The following PIEZO2 variants were observed in gnomAD, a reference collection of about 807,000 sequenced individuals.
The protein encoded by PIEZO2 is piezo-type mechanosensitive ion channel component 2.
In PIEZO2, 172 loss-of-function variants were observed where a neutral mutation model predicts 337.3. That is an observed-to-expected ratio of 0.51 (90% CI 0.45 to 0.58). The LOEUF (loss-of-function observed/expected upper bound fraction) is 0.58. PIEZO2 is among the 20% of genes least tolerant of loss of function. The probability of loss-of-function intolerance (pLI) is 0.00; values close to 1 mark genes in which losing one functional copy is unlikely to be tolerated. For missense variants in PIEZO2, 3,028 were observed against 3,391.3 expected, an observed-to-expected ratio of 0.89 and a Z score of 2.66; for synonymous variants, 1,251 against 1,228.5, an observed-to-expected ratio of 1.02 and a Z score of -0.38.
Position 10,672,612 on chromosome 18 carries a change from TA to T in PIEZO2, c.8345+77del. The T allele has an allele frequency of 1.4e-6, 2 of 1,481,316 alleles. No individual in the cohort carries two copies. Among genetic ancestry groups the T allele is most frequent in the Non-Finnish European group, 1.8e-6 (2 of 1,089,012 alleles). 91.8% of individuals were successfully genotyped at this position (1,481,316 alleles called of 1,614,324 possible). A position where few individuals can be genotyped will look rare whatever the true frequency, so the allele number is the denominator to read the frequency against. ...CTAAAATTAGCGAATTCTAAGAAGA[TA>T]AAAGGCTTCCCACTCTCAACTTTAC... On this transcript the variant is annotated intron_variant, in intron 55 of 55. Coordinates refer to ENST00000674853, the MANE Select transcript of PIEZO2 (RefSeq NM_001378183.1). This position sits in a 1 kb window ranked among gnomAD's most constrained non-coding sequence, Gnocchi z 4.7.
chr18:11,117,148 G>T (rs2039915379), intron 1 of PIEZO2, among the ~76,000 whole-genome samples: 1 of 152,134 alleles, frequency 6.6e-6, no homozygotes, highest in Non-Finnish European at 1.5e-5. Flanking sequence ...TAAGAGAGAA[G>T]ATTTGAAATG....
At chr18:10,789,487 AT>A in intron 14 of PIEZO2, 122 bp from the exon 15 acceptor site, 1 of 1,161,024 alleles carries the variant, frequency 8.6e-7, no homozygotes, top group Non-Finnish European at 1.2e-6. Flanking sequence ...AATTTGGATG[AT>A]TTTAGACTAT....
At chr18:11,140,170 A>G (rs999574914) in intron 1 of PIEZO2, among the ~76,000 whole-genome samples, 2 of 152,150 alleles carry the variant, frequency 1.3e-5, no homozygotes, top group Non-Finnish European at 2.9e-5. Context: ...GCTCCCTTCA[A>G]AAATTTTTTT....
intron 2 of PIEZO2, among the ~76,000 whole-genome samples, chr18:11,004,867 C>T (rs1337316635): frequency 3.9e-5 from 6 of 152,212 alleles, no homozygotes; most frequent in Non-Finnish European, 7.3e-5. Context: ...CCTACTGTGA[C>T]CAGACTGTAA....
rs893003163 is a variant in PIEZO2 at position 10,862,739 on chromosome 18, T to C, written c.493-5528A>G. Among the ~76,000 whole-genome samples, 2 of 152,204 alleles carry C rather than the reference T, an allele frequency of 1.3e-5. No individual in the cohort carries two copies. Among genetic ancestry groups the C allele is most frequent in the Non-Finnish European group, 2.9e-5 (2 of 68,034 alleles). On this transcript the variant is annotated intron_variant, in intron 5 of 55. Coordinates refer to ENST00000674853, the MANE Select transcript of PIEZO2 (RefSeq NM_001378183.1). This position sits in a 1 kb window ranked among gnomAD's most constrained non-coding sequence, Gnocchi z 4.4. The stretch of plus-strand genomic sequence containing the variant: ...GAATGAATTCCAGGAAGCTGTATGA[T>C]TAAAGTACTCTCTGGGGTGACCTGA...
At chr18:10,887,064 A>G (rs561522231) in intron 4 of PIEZO2, among the ~76,000 whole-genome samples, 3 of 61,304 alleles carry the variant, frequency 4.9e-5, no homozygotes, top group African/African-American at 1.7e-4. Flanking sequence ...GAGGTGACAC[A>G]CTTTTTTTTT....
chr18:11,135,705 G>A lies in PIEZO2; in HGVS notation c.64+12820C>T, dbSNP rs114469872. Among the ~76,000 whole-genome samples, 590 of 152,210 alleles carry A rather than the reference G, an allele frequency of 3.9e-3. 3 individuals carry two copies. Among genetic ancestry groups the A allele is most frequent in the African/African-American group, 0.013 (542 of 41,508 alleles). The stretch of plus-strand genomic sequence containing the variant: ...TGGGACTACATGTGCGTGCCATCAC[G>A]CCCAGCTAATTTTTGTATTTTTAGT... On this transcript the variant is annotated intron_variant, in intron 1 of 55. Transcript: ENST00000674853.
Position 10,748,854 on chromosome 18 carries a change from C to CA in PIEZO2, c.4265-225dup, listed in dbSNP as rs1379948112. ...ACCATGCATTGAACTCTTCACACTA[C>CA]AAGGCTCAGGAGGGCCCTTTTTACG... On this transcript the variant is annotated intron_variant, in intron 29 of 55. Transcript: ENST00000674853. The surrounding 1 kb of genome is among the most constrained non-coding windows in gnomAD (Gnocchi z 5.1). Among the ~76,000 whole-genome samples the CA allele has an allele frequency of 2.6e-5, 4 of 152,252 alleles. No homozygotes were observed. The East Asian group carries it at 7.7e-4, about 29-fold the overall frequency.
chr18:11,018,091 A>G (rs1458550275), intron 2 of PIEZO2, among the ~76,000 whole-genome samples: 1 of 151,990 alleles, frequency 6.6e-6, no homozygotes, highest in Non-Finnish European at 1.5e-5. Context: ...GCTTTAGTGT[A>G]GAATTGTTCC....
intron 1 of PIEZO2, among the ~76,000 whole-genome samples, chr18:11,113,616 CAT>C (rs2039799885): frequency 6.6e-6 from 1 of 152,214 alleles, no homozygotes; most frequent in Non-Finnish European, 1.5e-5. Context: ...ATCATGGTCA[CAT>C]GATACCCTTA....
In PIEZO2 at chr18:11,047,823, T is replaced by G. The variant is rs979001359; in HGVS notation, c.160+18304A>C. On this transcript the variant is annotated intron_variant, in intron 2 of 55. Coordinates refer to ENST00000674853, the MANE Select transcript of PIEZO2 (RefSeq NM_001378183.1). The surrounding 1 kb of genome is among the most constrained non-coding windows in gnomAD (Gnocchi z 7.2). Reference sequence around the variant, plus strand: ...TATTAGACCCCAGGGAATGCGAATATAATGATGATGACATTGATGTTTGAG... The same window carrying G: ...TATTAGACCCCAGGGAATGCGAATAGAATGATGATGACATTGATGTTTGAG... Among the ~76,000 whole-genome samples the G allele has an allele frequency of 6.6e-5, 10 of 152,176 alleles. No individual in the cohort carries two copies. Among genetic ancestry groups the G allele is most frequent in the Admixed American group, 2.0e-4 (3 of 15,266 alleles).
intron 45 of PIEZO2, 99 bp downstream of exon 45, chr18:10,697,649 C>A (rs572758593): frequency 2.1e-6 from 3 of 1,448,992 alleles, no homozygotes; most frequent in Admixed American, 2.3e-5. Context: ...ATTTGTGACA[C>A]GAGAAGTTAC....
rs1398859737 is a variant in PIEZO2 at position 11,126,870 on chromosome 18, T to C, written c.64+21655A>G. Among the ~76,000 whole-genome samples, 1 of 152,104 alleles carries C rather than the reference T, an allele frequency of 6.6e-6. No homozygotes were observed. The highest frequency in any genetic ancestry group is 1.5e-5 in the Non-Finnish European group (1 of 68,018). ...ATTTTACAGATGAGGAAACAGAGACTGAAATGAATGGAGGAATGAATGAAC... is the reference window on the plus strand; with the variant it reads ...ATTTTACAGATGAGGAAACAGAGACCGAAATGAATGGAGGAATGAATGAAC... On this transcript the variant is annotated intron_variant, in intron 1 of 55. Coordinates refer to ENST00000674853, the MANE Select transcript of PIEZO2 (RefSeq NM_001378183.1). This position sits in a 1 kb window ranked among gnomAD's most constrained non-coding sequence, Gnocchi z 4.6.
chr18:10,773,894 C>T lies in PIEZO2; in HGVS notation c.2567+112G>A. On this transcript the variant is annotated intron_variant, in intron 19 of 55. Coordinates refer to ENST00000674853, the MANE Select transcript of PIEZO2 (RefSeq NM_001378183.1). The surrounding 1 kb of genome is among the most constrained non-coding windows in gnomAD (Gnocchi z 5.3). ...ATTAGTTGGTAATGAGAGCTATCAACACCTAAACTTGACATTTTTCCCAGA... is the reference window on the plus strand; with the variant it reads ...ATTAGTTGGTAATGAGAGCTATCAATACCTAAACTTGACATTTTTCCCAGA... 1 of 656,746 alleles carries T rather than the reference C, an allele frequency of 1.5e-6. No individual in the cohort carries two copies. Among genetic ancestry groups the T allele is most frequent in the Non-Finnish European group, 2.7e-6 (1 of 366,210 alleles). The allele number at this position is 656,746 out of a possible 1,614,324, so 40.7% of individuals were successfully genotyped here.
rs920193446 is a variant in PIEZO2 at position 10,671,225 on chromosome 18, T to C, written c.*302A>G. On this transcript the variant is annotated 3_prime_UTR_variant, in exon 56 of 56. Coordinates refer to ENST00000674853, the MANE Select transcript of PIEZO2 (RefSeq NM_001378183.1). Reference sequence around the variant, plus strand: ...CTTTCTGACTCCTCTTCTGTTTCTCTTAGGGACGGGGCCCATAAATGATTC... The same window carrying C: ...CTTTCTGACTCCTCTTCTGTTTCTCCTAGGGACGGGGCCCATAAATGATTC... The C allele has an allele frequency of 2.0e-5, 5 of 248,888 alleles. No homozygotes were observed. The highest frequency in any genetic ancestry group is 9.2e-5 in the African/African-American group (4 of 43,700). The allele number at this position is 248,888 out of a possible 1,614,324, so 15.4% of individuals were successfully genotyped here.
At chr18:10,743,992 C>A (rs909376391) in intron 31 of PIEZO2, 150 bp downstream of exon 31, 3 of 586,344 alleles carry the variant, frequency 5.1e-6, no homozygotes, top group Non-Finnish European at 8.9e-6. Flanking sequence ...GAGCAACTGC[C>A]CCCGCACAAG....
At chr18:10,700,442 C>T (rs761098721) in intron 43 of PIEZO2, among the ~76,000 whole-genome samples, 1 of 151,502 alleles carries the variant, frequency 6.6e-6, no homozygotes, top group Non-Finnish European at 1.5e-5. Flanking sequence ...TAACATAATG[C>T]CATTACCTCA....
At chr18:10,754,220 C>T (rs144410727) in intron 27 of PIEZO2, among the ~76,000 whole-genome samples, 20 of 152,338 alleles carry the variant, frequency 1.3e-4, no homozygotes, top group East Asian at 9.6e-4. Context: ...CGCTTCAAAG[C>T]GGAGCCTTAA....
At chr18:11,059,800 T>C (rs1243059260) in intron 2 of PIEZO2, among the ~76,000 whole-genome samples, 2 of 152,028 alleles carry the variant, frequency 1.3e-5, no homozygotes, top group Non-Finnish European at 2.9e-5. Flanking sequence ...TCCCACACAA[T>C]AATAATGGGA....
Sources: allele counts gnomAD v4.1 joint callset (sites outside exome capture counted in the v4.1 genomes callset), GRCh38; gene constraint gnomAD v4.1.1; non-coding constraint Gnocchi (gnomAD v3.1); transcripts MANE v1.5; gene names NCBI Gene and HGNC (gene_info 2026-07-23, HGNC 2026-07-21).